SORCS2: variants seen among roughly 807,000 people sequenced by gnomAD.
SORCS2 encodes VPS10 domain-containing receptor SorCS2.
Under a neutral mutation model 141.6 loss-of-function variants are expected in SORCS2, and 100 were observed. The observed-to-expected ratio is 0.71, with a 90% CI of 0.60 to 0.83. The LOEUF is 0.83. Among genes scored for constraint, SORCS2 ranks in the 40% least tolerant of loss-of-function variants. SORCS2 has a pLI of 0.00. For synonymous variants in SORCS2, 789 were observed against 676.9 expected (o/e 1.17, Z -2.57); for missense variants, 1,646 against 1,560.2 (o/e 1.05, Z -0.93).
intron 3 of SORCS2, among the ~76,000 whole-genome samples, chr4:7,575,133 G>A (rs1715666298): frequency 6.6e-6 from 1 of 152,184 alleles, no homozygotes; most frequent in South Asian, 2.1e-4. Flanking sequence ...GGCATCCCTA[G>A]AACCTGGCCG....
chr4:7,426,583 G>A (rs565160603), intron 2 of SORCS2, among the ~76,000 whole-genome samples: 1 of 152,328 alleles, frequency 6.6e-6, no homozygotes, highest in African/African-American at 2.4e-5. Context: ...GAAGCTCAGG[G>A]AGGGTTGGTG....
At chr4:7,550,438 TG>T (rs1248386905) in intron 3 of SORCS2, among the ~76,000 whole-genome samples, 1 of 152,162 alleles carries the variant, frequency 6.6e-6, no homozygotes, top group East Asian at 1.9e-4. Context: ...ACCACTGCTT[TG>T]TGTGGTGGGC....
chr4:7,602,569 G>T (rs1717787592), intron 3 of SORCS2, among the ~76,000 whole-genome samples: 1 of 150,214 alleles, frequency 6.7e-6, no homozygotes, highest in Non-Finnish European at 1.5e-5. Flanking sequence ...GCGGCGGCCG[G>T]GAAGAGGCGC....
At chr4:7,554,752 C>T (rs1713979026) in intron 3 of SORCS2, among the ~76,000 whole-genome samples, 1 of 152,062 alleles carries the variant, frequency 6.6e-6, no homozygotes, top group Non-Finnish European at 1.5e-5. Context: ...GAAGAACATC[C>T]CAAAGAGAAA....
chr4:7,672,537 C>T (rs966450334), intron 8 of SORCS2, among the ~76,000 whole-genome samples: 1 of 152,206 alleles, frequency 6.6e-6, no homozygotes, highest in African/African-American at 2.4e-5. Flanking sequence ...TTCACTACAA[C>T]TAATGGAAGA....
chr4:7,410,605 C>T (rs530040863), intron 2 of SORCS2, among the ~76,000 whole-genome samples: 2 of 152,318 alleles, frequency 1.3e-5, no homozygotes, highest in East Asian at 1.9e-4. Context: ...TCTCCCATTA[C>T]CTAAAATGTC....
At chr4:7,681,226 A>AT (rs1723507551) in intron 9 of SORCS2, among the ~76,000 whole-genome samples, 1 of 152,178 alleles carries the variant, frequency 6.6e-6, no homozygotes, top group African/African-American at 2.4e-5. Context: ...ACCTGCATGT[A>AT]TGTTACCTTA....
chr4:7,256,753 G>A (rs377393516), intron 1 of SORCS2, among the ~76,000 whole-genome samples: 1 of 150,590 alleles, frequency 6.6e-6, no homozygotes, highest in Non-Finnish European at 1.5e-5. Context: ...GGGACTATGG[G>A]GGTGTCGGGA....
chr4:7,724,333 A>ATGGTGG (rs1726885120), intron 19 of SORCS2, among the ~76,000 whole-genome samples: 1 of 97,998 alleles, frequency 1.0e-5, no homozygotes, highest in Non-Finnish European at 1.9e-5. Flanking sequence ...TGATAGGGTG[A>ATGGTGG]TGGTGATGAT....
At position 7,203,280 on chromosome 4, in the gene SORCS2, C is replaced by T. The variant is rs913699230; in HGVS notation, c.480+10154C>T. Among the ~76,000 whole-genome samples the T allele has an allele frequency of 1.4e-4, 22 of 152,318 alleles. No individual in the cohort carries two copies. The South Asian group carries it at 2.3e-3, about 16-fold the overall frequency. ...AAATTTGTAAAAATACAAAATTAGC[C>T]GGGCGTGATGGCACATGCCTGTAAT... On this transcript the variant is annotated intron_variant, in intron 1 of 26. Coordinates refer to ENST00000507866, the MANE Select transcript of SORCS2 (RefSeq NM_020777.3).
At chr4:7,250,166 C>T (rs573497223) in intron 1 of SORCS2, among the ~76,000 whole-genome samples, 18 of 152,214 alleles carry the variant, frequency 1.2e-4, no homozygotes, top group East Asian at 3.9e-4. Flanking sequence ...CACTTGAACC[C>T]GGGAGGCGGA....
intron 3 of SORCS2, among the ~76,000 whole-genome samples, chr4:7,604,658 T>C (rs1218590176): frequency 6.6e-6 from 1 of 152,232 alleles, no homozygotes; most frequent in African/African-American, 2.4e-5. Flanking sequence ...CTCTCTTCTG[T>C]CGCCTTGTGA....
chr4:7,464,555 A>T (rs777619175), intron 2 of SORCS2, among the ~76,000 whole-genome samples: 23 of 152,122 alleles, frequency 1.5e-4, no homozygotes, highest in Admixed American at 3.9e-4. Context: ...GAGAAGGGCT[A>T]TGTGGTTAGG....
At chr4:7,274,577 C>T (rs1222821041) in intron 1 of SORCS2, among the ~76,000 whole-genome samples, 6 of 152,098 alleles carry the variant, frequency 3.9e-5, no homozygotes, top group African/African-American at 7.2e-5. Context: ...ACAACCAGAT[C>T]GTATGAGAGC....
chr4:7,571,221 G>A (rs1461038421), intron 3 of SORCS2, among the ~76,000 whole-genome samples: 3 of 152,150 alleles, frequency 2.0e-5, no homozygotes, highest in Admixed American at 2.0e-4. Flanking sequence ...ATCGCCCCTG[G>A]GCCAAGCCTT....
At chr4:7,582,581 C>A (rs970109198) in intron 3 of SORCS2, among the ~76,000 whole-genome samples, 8 of 152,106 alleles carry the variant, frequency 5.3e-5, no homozygotes, top group African/African-American at 1.9e-4. Context: ...TCATATGTAG[C>A]AGAGCAGCTC....
At chr4:7,324,356 A>G (rs4689105) in intron 1 of SORCS2, among the ~76,000 whole-genome samples, 34,025 of 152,102 alleles carry the variant, frequency 0.22, 4,321 homozygotes, top group African/African-American at 0.33. Context: ...CTTGGGGTGG[A>G]TGCACAGGAC....
intron 3 of SORCS2, among the ~76,000 whole-genome samples, chr4:7,549,984 G>T (rs116388580): frequency 0.016 from 2,470 of 152,270 alleles, 61 homozygotes; most frequent in African/African-American, 0.056. Flanking sequence ...GGACTGAAAG[G>T]AATTCGATGT....
At chr4:7,679,984 C>T (rs1723413821) in intron 9 of SORCS2, among the ~76,000 whole-genome samples, 1 of 152,202 alleles carries the variant, frequency 6.6e-6, no homozygotes, top group South Asian at 2.1e-4. Flanking sequence ...GAAAATCATC[C>T]TTCTACCTGC....
Sources: gnomAD v4.1 joint callset for allele counts (sites outside exome capture counted in the v4.1 genomes callset) on GRCh38, gnomAD v4.1.1 for gene constraint, MANE v1.5 for transcripts, NCBI Gene and HGNC (gene_info 2026-07-23, HGNC 2026-07-21) for gene names.